The following WNK2 variants were observed in gnomAD, a reference collection of about 807,000 sequenced individuals.
WNK2 encodes WNK lysine deficient protein kinase 2, also known as serine/threonine-protein kinase WNK2.
In WNK2, 67 loss-of-function variants were observed where a neutral mutation model predicts 192.1. That is an observed-to-expected ratio of 0.35 (90% CI 0.29 to 0.43). WNK2 has a LOEUF of 0.43. WNK2 is among the 20% of genes least tolerant of loss of function. WNK2 has a pLI of 1.00. For synonymous variants in WNK2, 1,439 were observed against 1,393.9 expected, an observed-to-expected ratio of 1.03 and a Z score of -0.72; for missense variants, 2,698 against 3,089.7, an observed-to-expected ratio of 0.87 and a Z score of 3.01.
At chr9:93,261,766 T>G in intron 12 of WNK2, 48 bp from the exon 13 acceptor site, 1 of 1,544,892 alleles carries the variant, frequency 6.5e-7, no homozygotes, top group Non-Finnish European at 8.7e-7. Context: ...GCCCCCTCAG[T>G]GAAGGCAGCG....
intron 2 of WNK2, among the ~76,000 whole-genome samples, chr9:93,218,302 C>G (rs921090051): frequency 5.3e-5 from 8 of 152,226 alleles, no homozygotes; most frequent in Non-Finnish European, 8.8e-5. Flanking sequence ...ACCCTGCTGA[C>G]CTGTGTCCCT....
chr9:93,261,462 G>C (rs1365628417), intron 12 of WNK2, among the ~76,000 whole-genome samples: 2 of 152,220 alleles, frequency 1.3e-5, no homozygotes, highest in Non-Finnish European at 2.9e-5. Context: ...GGCCAGATGG[G>C]GCAGGCTGCC....
At chr9:93,308,918 A>T in intron 28 of WNK2, 1 of 1,162,928 alleles carries the variant, frequency 8.6e-7, no homozygotes, top group South Asian at 2.7e-5. Flanking sequence ...CTTGGCAGAC[A>T]GGCCCACCTC....
chr9:93,257,026 C>T lies in WNK2; in HGVS notation c.2269C>T (p.Pro757Ser). 1 of 1,604,504 alleles carries T rather than the reference C, an allele frequency of 6.2e-7. No homozygotes were observed. Among genetic ancestry groups the T allele is most frequent in the Non-Finnish European group, 8.5e-7 (1 of 1,177,904 alleles). The change falls in exon 11 of 30, where the codon CCC becomes TCC. Residue 757 changes from proline (P) to serine (S), a missense_variant. This residue lies in a region of WNK2 where 893 missense variants were observed against 909.0 expected (regional missense o/e 0.98). Coordinates refer to ENST00000427277, the MANE Select transcript of WNK2 (RefSeq NM_006648.4). The surrounding 1 kb of genome is among the most constrained non-coding windows in gnomAD (Gnocchi z 4.7). ...QPVVPLQPVP[P>S]HLPPYLAPAS... The stretch of plus-strand genomic sequence containing the variant: ...CGTGGTCCCCCTCCAGCCGGTTCCC[C>T]CCCACCTGCCACCGTACCTGGCTCC...
chr9:93,184,910 T>G lies in WNK2; in HGVS notation c.-2-18T>G. 8.3e-7 allele frequency: 1 copy of G among 1,210,172 alleles called. No homozygotes were observed. Among genetic ancestry groups the G allele is most frequent in the Non-Finnish European group, 1.0e-6 (1 of 975,046 alleles). The allele number at this position is 1,210,172 out of a possible 1,614,324, so 75.0% of individuals were successfully genotyped here. A position where few individuals can be genotyped will look rare whatever the true frequency, so the allele number is the denominator to read the frequency against. The stretch of plus-strand genomic sequence containing the variant: ...CAGGGCCGGCGCTCACGCGGGCCTG[T>G]GTGTCCTTGGCCCACAGAGATGGAC... On this transcript the variant is annotated intron_variant, in intron 1 of 29. Coordinates refer to ENST00000427277, the MANE Select transcript of WNK2 (RefSeq NM_006648.4).
At chr9:93,211,269 C>CTCACACATTCCCTCACTCATACAT (rs1834611268) in intron 2 of WNK2, among the ~76,000 whole-genome samples, 1 of 81,998 alleles carries the variant, frequency 1.2e-5, no homozygotes, top group Non-Finnish European at 2.6e-5. Flanking sequence ...CACTCATTCA[C>CTCACACATTCCCTCACTCATACAT]TCACTCATCC....
intron 27 of WNK2, chr9:93,308,124 C>G (rs1564227271): frequency 9.0e-7 from 1 of 1,105,644 alleles, no homozygotes. Context: ...TGATGGCCAC[C>G]TGGCACAGCC....
At chr9:93,319,887 G>T (rs567470626) in intron 29 of WNK2, among the ~76,000 whole-genome samples, 4 of 152,314 alleles carry the variant, frequency 2.6e-5, no homozygotes, top group African/African-American at 4.8e-5. Context: ...AGCTGACTGT[G>T]GTCCCTCCTG....
intron 16 of WNK2, among the ~76,000 whole-genome samples, chr9:93,266,440 C>T (rs1845187315): frequency 6.6e-6 from 1 of 152,234 alleles, no homozygotes; most frequent in South Asian, 2.1e-4. Flanking sequence ...TTATTCTCAA[C>T]ATACTTGAAA....
At position 93,230,874 on chromosome 9, in the gene WNK2, G is replaced by A. The variant is rs371219991; in HGVS notation, c.855-14G>A. The A allele has an allele frequency of 1.4e-5, 23 of 1,608,746 alleles. No individual in the cohort carries two copies. The highest frequency in any genetic ancestry group is 1.1e-4 in the East Asian group (5 of 44,814). ...GCGAGCTGCTTGGTGAGCTGTGCCC[G>A]TGAACCCCTGCAGATACCTGAAGCG... On this transcript the variant is annotated splice_polypyrimidine_tract_variant and intron_variant, in intron 3 of 29. Transcript: ENST00000427277.
rs773755451 is a variant in WNK2 at position 93,308,485 on chromosome 9, C to T, written c.6417C>T (p.Ala2139=). The stretch of plus-strand genomic sequence containing the variant: ...AGTGGACGAGCAAGACGGTGGGGGC[C>T]GCGCAGCTGAAGCCCACGCTCAACC... The part of the protein sequence containing the change: ...VDEWTSKTVG[A]AQLKPTLNQL... The change falls in exon 28 of 30, where the codon GCC becomes GCT. Residue 2139 remains alanine, a synonymous_variant. Transcript: ENST00000427277. 18 of 1,608,768 alleles carry T rather than the reference C, an allele frequency of 1.1e-5. No homozygotes were observed. The highest frequency in any genetic ancestry group is 3.4e-5 in the Admixed American group (2 of 59,492).
At chr9:93,184,898 C>A in intron 1 of WNK2, 30 bp from the exon 2 acceptor site, 2 of 1,220,082 alleles carry the variant, frequency 1.6e-6, no homozygotes, top group South Asian at 4.1e-5. Context: ...GGCCGGCGCT[C>A]ACGCGGGCCT....
intron 29 of WNK2, chr9:93,318,006 T>C: frequency 6.2e-7 from 1 of 1,612,854 alleles, no homozygotes; most frequent in Non-Finnish European, 8.5e-7. Context: ...CCTTTGCGGC[T>C]TCAGACCCTG....
chr9:93,299,235 G>A lies in WNK2; in HGVS notation c.6089G>A (p.Ser2030Asn), dbSNP rs138695382. The A allele has an allele frequency of 1.1e-4, 170 of 1,583,682 alleles. 1 individual carries two copies. Among genetic ancestry groups the A allele is most frequent in the African/African-American group, 6.2e-4 (46 of 74,396 alleles). Residue 2030 changes from serine to asparagine, a missense_variant, in exon 25 of 30, where the codon AGT becomes AAT. Physicochemically the swap from Ser to Asn is conservative, Grantham distance 46. This residue lies in a region of WNK2 where 1,098 missense variants were observed against 1,101.0 expected (regional missense o/e 1.00). Transcript: ENST00000427277. ...TCGGACATCTGCTCCGGCTTAGCCA[G>A]TGATGGAGGCGGAGCGCGTGGCCAA... is the stretch of plus-strand genomic sequence containing the variant. The part of the protein sequence containing the change: ...LSSDICSGLA[S>N]DGGGARGQGW...
At position 93,292,947 on chromosome 9, in the gene WNK2, G is replaced by A. The variant is rs767135945; in HGVS notation, c.5482G>A (p.Val1828Met). ...PPVQKQASLPVSGSVAGDFVK... is the reference protein window; with the variant it reads ...PPVQKQASLPMSGSVAGDFVK... ...GGTGCAGAAGCAGGCGTCCCTGCCC[G>A]TGAGTGGCAGCGTGGCTGGCGACTT... The change falls in exon 23 of 30, where the codon GTG becomes ATG. Residue 1828 changes from valine (V) to methionine (M), a missense_variant. Coordinates refer to ENST00000427277, the MANE Select transcript of WNK2 (RefSeq NM_006648.4). The A allele has an allele frequency of 4.3e-5, 66 of 1,533,730 alleles. No homozygotes were observed. Among genetic ancestry groups the A allele is most frequent in the Non-Finnish European group, 5.5e-5 (63 of 1,141,242 alleles).
chr9:93,293,673 G>T (rs12684394), intron 23 of WNK2, among the ~76,000 whole-genome samples: 1 of 151,804 alleles, frequency 6.6e-6, no homozygotes, highest in Non-Finnish European at 1.5e-5. Context: ...GGGCTGGGCC[G>T]GCCCCCACCC....
At position 93,306,902 on chromosome 9, in the gene WNK2, G is replaced by A. The variant is rs370573192; in HGVS notation, c.6259+81G>A. 454 of 1,588,902 alleles carry A rather than the reference G, an allele frequency of 2.9e-4. 2 individuals carry two copies. The African/African-American group carries it at 5.3e-3, about 19-fold the overall frequency. On this transcript the variant is annotated intron_variant, in intron 27 of 29. Coordinates refer to ENST00000427277, the MANE Select transcript of WNK2 (RefSeq NM_006648.4). ...GGCTAGCGCACATCAGGGTTCCCGC[G>A]GCCGGGCGGGCGTGGGCCTGCCCTG...
rs766340583 is a variant in WNK2, at chr9:93,245,026, C to T, written c.1543-2517C>T. On this transcript the variant is annotated intron_variant, in intron 7 of 29. Coordinates refer to ENST00000427277, the MANE Select transcript of WNK2 (RefSeq NM_006648.4). ...GTCCCACCTCACTGGTCCCCCCTCC[C>T]CCGCCCCACTTATGTCTCTTCTGAA... Among the ~76,000 whole-genome samples the T allele has an allele frequency of 2.3e-3, 346 of 152,192 alleles. 1 individual carries two copies. The highest frequency in any genetic ancestry group is 3.6e-3 in the Non-Finnish European group (246 of 67,996).
chr9:93,200,716 G>A (rs1299841920), intron 2 of WNK2, among the ~76,000 whole-genome samples: 9 of 152,134 alleles, frequency 5.9e-5, no homozygotes, highest in East Asian at 5.8e-4. Flanking sequence ...GAGGTGAGAC[G>A]GCCACATGGG....
Sources: allele counts gnomAD v4.1 joint callset (sites outside exome capture counted in the v4.1 genomes callset), GRCh38; gene constraint gnomAD v4.1.1; regional missense constraint gnomAD v4.1.1; non-coding constraint Gnocchi (gnomAD v3.1); transcripts MANE v1.5; gene names NCBI Gene and HGNC (gene_info 2026-07-23, HGNC 2026-07-21).